Variants in ABTB3 observed in about 807,000 individuals in gnomAD.
ABTB3 encodes the protein ankyrin repeat- and BTB/POZ domain-containing protein 3.
chr12:107,545,015 A>C, the ABTB3 span, among the ~76,000 whole-genome samples: 1 of 152,214 alleles, frequency 6.6e-6, no homozygotes, highest in African/African-American at 2.4e-5. Flanking sequence ...GTTGTTGTAG[A>C]TATGATCTGC....
chr12:107,573,346 G>C, the ABTB3 span, among the ~76,000 whole-genome samples: 1 of 152,206 alleles, frequency 6.6e-6, no homozygotes, highest in Non-Finnish European at 1.5e-5. Context: ...GGTTTCTCCA[G>C]AGGAACAGAA....
chr12:107,502,586 G>A, the ABTB3 span, among the ~76,000 whole-genome samples: 2 of 64,322 alleles, frequency 3.1e-5, no homozygotes, highest in Non-Finnish European at 5.8e-5. Flanking sequence ...GTTTTAAATC[G>A]GGGTCCCCAA....
At chr12:107,427,264 C>T in the ABTB3 span, among the ~76,000 whole-genome samples, 2 of 151,846 alleles carry the variant, frequency 1.3e-5, no homozygotes, top group African/African-American at 4.8e-5. Flanking sequence ...TCTCTGACTT[C>T]TGACCCTCCT....
chr12:107,500,156 C>A, the ABTB3 span, among the ~76,000 whole-genome samples: 1 of 152,010 alleles, frequency 6.6e-6, no homozygotes. Context: ...AACCATATCA[C>A]CCTGGTAGGA....
At chr12:107,580,635 C>T in the ABTB3 span, 1 of 369,498 alleles carries the variant, frequency 2.7e-6, no homozygotes, top group Non-Finnish European at 4.9e-6. Flanking sequence ...GTTGCCTGGG[C>T]AGAGCTGAAG....
chr12:107,637,784 TTTTGTGTGTGTGTGTGTGTG>T, the ABTB3 span, among the ~76,000 whole-genome samples: 265 of 94,810 alleles, frequency 2.8e-3, 1 homozygote, highest in African/African-American at 0.012. Flanking sequence ...AGAGCACTGA[TTTTGTGTGTGTGTGTGTGTG>T]TGTGTGTGTG....
chr12:107,426,989 G>C, the ABTB3 span, among the ~76,000 whole-genome samples: 4 of 152,172 alleles, frequency 2.6e-5, no homozygotes. Flanking sequence ...AAGAGCCATT[G>C]TATTAGTTGT....
chr12:107,649,415 G>T, the ABTB3 span: 1 of 779,958 alleles, frequency 1.3e-6, no homozygotes, highest in South Asian at 1.5e-5. Context: ...TGGGGCTCTT[G>T]TTCCTTCCTG....
chr12:107,397,536 A>G, the ABTB3 span, among the ~76,000 whole-genome samples: 1 of 152,024 alleles, frequency 6.6e-6, no homozygotes, highest in Non-Finnish European at 1.5e-5. Context: ...TACCTGTTGT[A>G]TAAGTTGCAA....
the ABTB3 span, among the ~76,000 whole-genome samples, chr12:107,480,808 A>C: frequency 3.9e-5 from 6 of 152,082 alleles, no homozygotes; most frequent in Non-Finnish European, 8.8e-5. Flanking sequence ...ACAGTGAAAA[A>C]CCACTGTAAA....
chr12:107,505,715 G>T, the ABTB3 span, among the ~76,000 whole-genome samples: 1 of 152,108 alleles, frequency 6.6e-6, no homozygotes, highest in South Asian at 2.1e-4. Context: ...GTCCCAATGT[G>T]TTTTGTTCCC....
At chr12:107,533,536 C>T in the ABTB3 span, among the ~76,000 whole-genome samples, 1 of 152,150 alleles carries the variant, frequency 6.6e-6, no homozygotes, top group Non-Finnish European at 1.5e-5. Flanking sequence ...CAAAGAAGGT[C>T]ATTATATAAT....
At chr12:107,522,509 G>A in the ABTB3 span, among the ~76,000 whole-genome samples, 1 of 151,894 alleles carries the variant, frequency 6.6e-6, no homozygotes, top group African/African-American at 2.4e-5. Context: ...AAGAAACCCA[G>A]TAGCCATCAG....
At chr12:107,635,235 G>T in the ABTB3 span, 1 of 1,542,876 alleles carries the variant, frequency 6.5e-7, no homozygotes, top group Non-Finnish European at 8.9e-7. Context: ...CAGCTTGACT[G>T]AGGCTGGCCA....
chr12:107,580,935 G>T, the ABTB3 span: 1 of 1,551,586 alleles, frequency 6.4e-7, no homozygotes, highest in Non-Finnish European at 8.7e-7. Context: ...AAGGATTCCA[G>T]AGAGCCTGCC....
chr12:107,639,475 G>C, the ABTB3 span, among the ~76,000 whole-genome samples: 1 of 152,104 alleles, frequency 6.6e-6, no homozygotes, highest in East Asian at 1.9e-4. Flanking sequence ...CAGAAAGAGA[G>C]GATGTGGCCC....
chr12:107,476,098 A>G, the ABTB3 span, among the ~76,000 whole-genome samples: 298 of 152,264 alleles, frequency 2.0e-3, no homozygotes, highest in African/African-American at 6.6e-3. Flanking sequence ...GCTTGAAACC[A>G]CCACTTCCTT....
the ABTB3 span, among the ~76,000 whole-genome samples, chr12:107,407,056 C>A: frequency 6.6e-6 from 1 of 152,176 alleles, no homozygotes; most frequent in African/African-American, 2.4e-5. Context: ...CCATTGCCCC[C>A]ATCCCAGGAC....
chr12:107,363,233 A>G, the ABTB3 span, among the ~76,000 whole-genome samples: 8 of 152,216 alleles, frequency 5.3e-5, no homozygotes, highest in Non-Finnish European at 1.0e-4. Context: ...CCACTTCACC[A>G]TGTGTTTTAA....
Sources: gnomAD v4.1 joint callset for allele counts (sites outside exome capture counted in the v4.1 genomes callset) on GRCh38, gnomAD v4.1.1 for gene constraint, MANE v1.5 for transcripts, NCBI Gene and HGNC (gene_info 2026-07-23, HGNC 2026-07-21) for gene names.